Variants in HMGB1 observed in about 807,000 individuals in gnomAD.
The protein encoded by HMGB1 is high mobility group box 1, also known as high mobility group protein B1.
For missense variants in HMGB1, 79 were observed against 253.5 expected (o/e 0.31, Z 4.67); for synonymous variants, 81 against 84.0 (o/e 0.96, Z 0.19).
chr13:30,469,423 C>T (rs1886870604), upstream of HMGB1, among the ~76,000 whole-genome samples: 1 of 152,082 alleles, frequency 6.6e-6, no homozygotes, highest in African/African-American at 2.4e-5. Flanking sequence ...TCTGCTTGTC[C>T]CACTGCACTG....
intron 1 of HMGB1, among the ~76,000 whole-genome samples, chr13:30,538,703 T>A (rs924685790): frequency 8.7e-6 from 1 of 115,264 alleles, no homozygotes; most frequent in Non-Finnish European, 1.7e-5. Context: ...CTTTCTTTCT[T>A]TTTCTTTCTT....
intron 1 of HMGB1, among the ~76,000 whole-genome samples, chr13:30,589,837 T>C (rs1267267574): frequency 6.6e-6 from 1 of 151,502 alleles, no homozygotes; most frequent in Non-Finnish European, 1.5e-5. Context: ...GCCACTGCAC[T>C]CTAGCCTGGG....
At position 30,512,226 on chromosome 13, in the gene HMGB1, G is replaced by A. The variant is rs528897363; in HGVS notation, c.-14-48532C>T. Among the ~76,000 whole-genome samples, 3 of 152,268 alleles carry A rather than the reference G, an allele frequency of 2.0e-5. No individual in the cohort carries two copies. In the East Asian group the frequency reaches 5.8e-4, roughly 29 times the overall value. The stretch of plus-strand genomic sequence containing the variant: ...GTAAATGAGTGACTGAGGAGGTCAA[G>A]GTAACCCAAAACTCCAATCAAAATC... On this transcript the variant is annotated intron_variant, in intron 1 of 4. Transcript: ENST00000405805.
chr13:30,502,648 A>ATTTATTTTATTTTATTTTAT (rs56283529), intron 1 of HMGB1, among the ~76,000 whole-genome samples: 49 of 146,348 alleles, frequency 3.3e-4, no homozygotes, highest in East Asian at 2.0e-3. Flanking sequence ...ACTTTATTTT[A>ATTTATTTTATTTTATTTTAT]TTTATTTTAT....
intron 1 of HMGB1, among the ~76,000 whole-genome samples, chr13:30,593,173 A>G (rs1204980031): frequency 2.0e-5 from 3 of 152,144 alleles, no homozygotes; most frequent in Non-Finnish European, 4.4e-5. Flanking sequence ...GGGATTTCCC[A>G]CTTTGGGCGG....
chr13:30,463,445 C>T (rs1593254935), intron 2 of HMGB1, 86 bp downstream of exon 2: 27 of 1,530,206 alleles, frequency 1.8e-5, no homozygotes, highest in South Asian at 5.9e-5. Flanking sequence ...CGTCCCACTA[C>T]GAGAATGCCA....
At chr13:30,517,875 T>C (rs1473648730) in intron 1 of HMGB1, among the ~76,000 whole-genome samples, 1 of 152,212 alleles carries the variant, frequency 6.6e-6, no homozygotes, top group Non-Finnish European at 1.5e-5. Flanking sequence ...CTTTATTTTA[T>C]ATCTCACCAG....
At chr13:30,482,748 AAAAAT>A (rs1357337283) in intron 1 of HMGB1, among the ~76,000 whole-genome samples, 2 of 151,742 alleles carry the variant, frequency 1.3e-5, no homozygotes, top group South Asian at 2.1e-4. Context: ...GGGAAATAAA[AAAAAT>A]AAAATAAAAA....
chr13:30,510,816 C>G (rs559939181), intron 1 of HMGB1, among the ~76,000 whole-genome samples: 1 of 152,314 alleles, frequency 6.6e-6, no homozygotes, highest in African/African-American at 2.4e-5. Flanking sequence ...TTAATAAACG[C>G]TTACTAATTG....
intron 1 of HMGB1, among the ~76,000 whole-genome samples, chr13:30,498,880 T>C (rs1887673233): frequency 6.6e-6 from 1 of 151,472 alleles, no homozygotes; most frequent in Non-Finnish European, 1.5e-5. Context: ...ACTTCTGACC[T>C]CAAGTGATCC....
intron 1 of HMGB1, among the ~76,000 whole-genome samples, chr13:30,474,501 G>A (rs191775498): frequency 2.6e-4 from 40 of 152,294 alleles, no homozygotes; most frequent in Admixed American, 2.2e-3. Flanking sequence ...GGGGGTGACC[G>A]TAATGAGTAT....
chr13:30,462,289 G>A, intron 4 of HMGB1: 1 of 498,834 alleles, frequency 2.0e-6, no homozygotes, highest in Non-Finnish European at 3.7e-6. Context: ...ACATTTTCAT[G>A]AACTTCAAGA....
At chr13:30,576,665 C>A (rs980505003) in intron 1 of HMGB1, among the ~76,000 whole-genome samples, 1 of 151,870 alleles carries the variant, frequency 6.6e-6, no homozygotes, top group Admixed American at 6.6e-5. Context: ...CATCCACACA[C>A]GTCGCTGCCT....
chr13:30,588,989 T>C (rs1871267396), intron 1 of HMGB1, among the ~76,000 whole-genome samples: 1 of 151,570 alleles, frequency 6.6e-6, no homozygotes, highest in Admixed American at 6.6e-5. Context: ...ATTGTAAAGC[T>C]GAATGCCTAG....
At chr13:30,562,773 C>T (rs114249164) in intron 1 of HMGB1, among the ~76,000 whole-genome samples, 1 of 152,276 alleles carries the variant, frequency 6.6e-6, no homozygotes, top group South Asian at 2.1e-4. Context: ...GGAGACGGTA[C>T]GGTATTACTA....
intron 1 of HMGB1, among the ~76,000 whole-genome samples, chr13:30,603,145 G>A (rs1950419803): frequency 6.6e-6 from 1 of 152,022 alleles, no homozygotes; most frequent in Non-Finnish European, 1.5e-5. Context: ...TTTTCTCTCT[G>A]GCAAATTGTT....
chr13:30,595,785 T>A (rs1001660075), intron 1 of HMGB1, among the ~76,000 whole-genome samples: 1 of 152,134 alleles, frequency 6.6e-6, no homozygotes, highest in African/African-American at 2.4e-5. Context: ...TCTTATCACA[T>A]GGACCTCTCC....
At chr13:30,591,422 C>A (rs1420631009) in intron 1 of HMGB1, among the ~76,000 whole-genome samples, 1 of 152,054 alleles carries the variant, frequency 6.6e-6, no homozygotes, top group East Asian at 1.9e-4. Flanking sequence ...AAAAGAAACA[C>A]CTGGCGATTT....
chr13:30,545,479 G>A (rs369626639), intron 1 of HMGB1, among the ~76,000 whole-genome samples: 14 of 151,674 alleles, frequency 9.2e-5, no homozygotes, highest in African/African-American at 3.4e-4. Flanking sequence ...TGTAATAGAA[G>A]AGGTTGACAG....
Sources: gnomAD v4.1 joint callset for allele counts (sites outside exome capture counted in the v4.1 genomes callset) on GRCh38, gnomAD v4.1.1 for gene constraint, MANE v1.5 for transcripts, NCBI Gene and HGNC (gene_info 2026-07-23, HGNC 2026-07-21) for gene names.